Variants in XYLT1 observed in about 807,000 individuals in gnomAD.
XYLT1 encodes the protein beta-D-xylosyltransferase 1.
A neutral mutation model predicts 91.3 loss-of-function variants in XYLT1; 36 were observed. That is an observed-to-expected ratio of 0.39 (90% CI 0.30 to 0.52). The LOEUF (loss-of-function observed/expected upper bound fraction) is 0.52, where lower values mean the gene tolerates loss of function less well. Ranked by LOEUF, XYLT1 falls within the 20% of genes least tolerant of loss-of-function variation. The probability of loss-of-function intolerance (pLI) is 0.68; values close to 1 mark genes in which losing one functional copy is unlikely to be tolerated. For missense variants in XYLT1, 1,242 were observed against 1,284.5 expected, an observed-to-expected ratio of 0.97 and a Z score of 0.51; for synonymous variants, 588 against 532.0, an observed-to-expected ratio of 1.11 and a Z score of -1.45.
chr16:17,133,886 T>C (rs1474081054), intron 9 of XYLT1, among the ~76,000 whole-genome samples: 2 of 152,224 alleles, frequency 1.3e-5, no homozygotes, highest in African/African-American at 4.8e-5. Context: ...TTCTTTGTGA[T>C]ATTTTTAGGT....
chr16:17,123,849 G>A (rs1236683420), intron 10 of XYLT1, among the ~76,000 whole-genome samples: 2 of 152,100 alleles, frequency 1.3e-5, no homozygotes, highest in Non-Finnish European at 2.9e-5. Flanking sequence ...AGATTGTGGT[G>A]TTTTCCTGTT....
At chr16:17,249,650 T>TTTTGTTTG (rs10607398) in intron 3 of XYLT1, 52 of 151,884 alleles carry the variant, frequency 3.4e-4, no homozygotes, top group South Asian at 2.1e-3. Context: ...TATGTAGTTT[T>TTTTGTTTG]TTTGTTTGTT....
chr16:17,190,439 C>A (rs575883089), intron 5 of XYLT1, among the ~76,000 whole-genome samples: 1 of 105,988 alleles, frequency 9.4e-6, no homozygotes, highest in East Asian at 3.8e-4. Flanking sequence ...TGCTATCCCT[C>A]CCCCCTCCCC....
intron 2 of XYLT1, among the ~76,000 whole-genome samples, chr16:17,265,393 G>GCAT (rs1223545233): frequency 1.3e-5 from 2 of 152,094 alleles, no homozygotes; most frequent in African/African-American, 4.8e-5. Flanking sequence ...TGATCAACTG[G>GCAT]CATCATCTTC....
intron 2 of XYLT1, among the ~76,000 whole-genome samples, chr16:17,352,599 G>C (rs2035237327): frequency 6.6e-6 from 1 of 152,152 alleles, no homozygotes; most frequent in Non-Finnish European, 1.5e-5. Context: ...ACTTTTAACT[G>C]TAAGCTCCTC....
At chr16:17,277,614 T>C (rs1369842716) in intron 2 of XYLT1, among the ~76,000 whole-genome samples, 1 of 152,162 alleles carries the variant, frequency 6.6e-6, no homozygotes, top group African/African-American at 2.4e-5. Flanking sequence ...GTTCTCGAAC[T>C]CCTGACCTCC....
Position 17,141,137 on chromosome 16 carries a change from T to C in XYLT1, c.1587+16A>G. On this transcript the variant is annotated intron_variant, in intron 7 of 11. Coordinates refer to ENST00000261381, the MANE Select transcript of XYLT1 (RefSeq NM_022166.4). The stretch of plus-strand genomic sequence containing the variant: ...AAGCCCCTATCTTTCTTGGGAAAAT[T>C]TTCCCAGATACTCACCTCAGCAGGA... The C allele has an allele frequency of 6.2e-7, 1 of 1,609,162 alleles. No homozygotes were observed.
intron 1 of XYLT1, among the ~76,000 whole-genome samples, chr16:17,402,909 T>A (rs997482454): frequency 6.6e-6 from 1 of 152,146 alleles, no homozygotes; most frequent in Non-Finnish European, 1.5e-5. Context: ...TTGGCTATTT[T>A]AAAAATTTTT....
At chr16:17,206,582 C>T (rs931084429) in intron 3 of XYLT1, among the ~76,000 whole-genome samples, 1 of 152,030 alleles carries the variant, frequency 6.6e-6, no homozygotes, top group Non-Finnish European at 1.5e-5. Flanking sequence ...ATCATGCTTG[C>T]GTCAAATACT....
At chr16:17,119,485 C>T (rs1232444163) in intron 10 of XYLT1, among the ~76,000 whole-genome samples, 1 of 152,204 alleles carries the variant, frequency 6.6e-6, no homozygotes, top group African/African-American at 2.4e-5. Flanking sequence ...GGTGTGGATA[C>T]ACATACCCAC....
At chr16:17,167,442 C>G (rs1237309839) in intron 5 of XYLT1, among the ~76,000 whole-genome samples, 4 of 152,188 alleles carry the variant, frequency 2.6e-5, no homozygotes, top group Non-Finnish European at 5.9e-5. Context: ...CCTTCCATCT[C>G]GTGAATGGAT....
intron 5 of XYLT1, among the ~76,000 whole-genome samples, chr16:17,163,469 G>C (rs2141547057): frequency 6.6e-6 from 1 of 152,292 alleles, no homozygotes; most frequent in South Asian, 2.1e-4. Flanking sequence ...CACTAGGAAG[G>C]AGCCCAACAC....
chr16:17,346,718 G>A (rs1332758940), intron 2 of XYLT1, among the ~76,000 whole-genome samples: 2 of 152,174 alleles, frequency 1.3e-5, no homozygotes, highest in East Asian at 1.9e-4. Flanking sequence ...AGTGAACGTG[G>A]AGACTGGTCA....
chr16:17,321,488 G>C lies in XYLT1; in HGVS notation c.402+36524C>G, dbSNP rs1186095448. ...TTCTCCTGCCTCAGCCTCTCAAGTA[G>C]CTGGGATTACAGGAATGCACCACCA... is the stretch of plus-strand genomic sequence containing the variant. On this transcript the variant is annotated intron_variant, in intron 2 of 11. Coordinates refer to ENST00000261381, the MANE Select transcript of XYLT1 (RefSeq NM_022166.4). Among the ~76,000 whole-genome samples the C allele has an allele frequency of 2.0e-5, 3 of 150,630 alleles. No individual in the cohort carries two copies. In the Admixed American group the frequency reaches 2.0e-4, roughly 10 times the overall value.
intron 1 of XYLT1, among the ~76,000 whole-genome samples, chr16:17,362,770 GAGGACATTC>G (rs1250823142): frequency 6.6e-6 from 1 of 152,238 alleles, no homozygotes; most frequent in Non-Finnish European, 1.5e-5. Context: ...CCTTTGCTTT[GAGGACATTC>G]AGAAGACAGT....
At chr16:17,457,996 T>C (rs577894815) in intron 1 of XYLT1, among the ~76,000 whole-genome samples, 2 of 152,242 alleles carry the variant, frequency 1.3e-5, no homozygotes, top group Non-Finnish European at 2.9e-5. Context: ...AACTGTTGTA[T>C]TACTTGATCC....
chr16:17,246,405 G>A (rs1490371681), intron 3 of XYLT1, among the ~76,000 whole-genome samples: 1 of 152,200 alleles, frequency 6.6e-6, no homozygotes, highest in Non-Finnish European at 1.5e-5. Context: ...TTAACATGCA[G>A]TGCATTTTCC....
At chr16:17,372,458 C>T (rs2035547677) in intron 1 of XYLT1, among the ~76,000 whole-genome samples, 1 of 152,118 alleles carries the variant, frequency 6.6e-6, no homozygotes, top group African/African-American at 2.4e-5. Flanking sequence ...TAGAGGGGCA[C>T]AGTGTCAATG....
At chr16:17,349,219 G>A (rs1406420184) in intron 2 of XYLT1, among the ~76,000 whole-genome samples, 1 of 152,162 alleles carries the variant, frequency 6.6e-6, no homozygotes, top group Non-Finnish European at 1.5e-5. Context: ...CATGTGCTCT[G>A]GATTGCCAAG....
Sources: gnomAD v4.1 joint callset for allele counts (sites outside exome capture counted in the v4.1 genomes callset) on GRCh38, gnomAD v4.1.1 for gene constraint, MANE v1.5 for transcripts, NCBI Gene and HGNC (gene_info 2026-07-23, HGNC 2026-07-21) for gene names.